The following EXOC6B variants were observed in gnomAD, a reference collection of about 807,000 sequenced individuals.
EXOC6B encodes SEC15 homolog B.
In EXOC6B, 54 loss-of-function variants were observed where a neutral mutation model predicts 113.5. The observed-to-expected ratio is 0.48, with a 90% CI of 0.38 to 0.60. The LOEUF (loss-of-function observed/expected upper bound fraction) is 0.60. Among genes scored for constraint, EXOC6B ranks in the 20% least tolerant of loss-of-function variants. The probability of loss-of-function intolerance (pLI) is 0.00; values close to 1 mark genes in which losing one functional copy is unlikely to be tolerated. For synonymous variants in EXOC6B, 357 were observed against 339.0 expected, an observed-to-expected ratio of 1.05 and a Z score of -0.58; for missense variants, 797 against 977.5, an observed-to-expected ratio of 0.82 and a Z score of 2.46.
chr2:72,241,059 A>G (rs1682281680), intron 20 of EXOC6B, among the ~76,000 whole-genome samples: 1 of 152,234 alleles, frequency 6.6e-6, no homozygotes, highest in South Asian at 2.1e-4. Flanking sequence ...ATTGTGGACA[A>G]GATTGAAAGA....
intron 8 of EXOC6B, among the ~76,000 whole-genome samples, chr2:72,524,962 A>G (rs185260777): frequency 2.0e-3 from 298 of 152,330 alleles, no homozygotes; most frequent in African/African-American, 6.9e-3. Flanking sequence ...TTATTTGAAG[A>G]GAGTAGAGGC....
intron 18 of EXOC6B, chr2:72,461,650 A>ATTTAATTAT (rs1697686339): frequency 6.6e-6 from 1 of 152,054 alleles, no homozygotes; most frequent in African/African-American, 2.4e-5. Flanking sequence ...AAATATAGTT[A>ATTTAATTAT]CATCTGAATA....
At chr2:72,650,250 A>G (rs1674063714) in intron 6 of EXOC6B, among the ~76,000 whole-genome samples, 1 of 152,204 alleles carries the variant, frequency 6.6e-6, no homozygotes, top group Non-Finnish European at 1.5e-5. Flanking sequence ...TTGTGGAAAA[A>G]TTGTCTTCAT....
intron 19 of EXOC6B, among the ~76,000 whole-genome samples, chr2:72,376,193 A>G (rs1204773550): frequency 6.6e-6 from 1 of 152,222 alleles, no homozygotes; most frequent in African/African-American, 2.4e-5. Context: ...GTTGACATAT[A>G]CTATCATTTC....
chr2:72,672,201 CAAAAAAA>C (rs61678584), intron 6 of EXOC6B, among the ~76,000 whole-genome samples: 2 of 105,850 alleles, frequency 1.9e-5, no homozygotes, highest in Admixed American at 9.4e-5. Flanking sequence ...GGTATATATC[CAAAAAAA>C]AAAAAAAAAA....
chr2:72,645,931 T>A (rs978895466), intron 6 of EXOC6B, among the ~76,000 whole-genome samples: 1 of 151,762 alleles, frequency 6.6e-6, no homozygotes, highest in African/African-American at 2.4e-5. Flanking sequence ...AGGCAACAAA[T>A]AACTAAGATC....
At chr2:72,253,766 G>A (rs1459234725) in intron 20 of EXOC6B, among the ~76,000 whole-genome samples, 1 of 152,096 alleles carries the variant, frequency 6.6e-6, no homozygotes, top group African/African-American at 2.4e-5. Flanking sequence ...CTACTTGGGT[G>A]ACAAAATAAT....
chr2:72,761,988 G>A (rs1007051567), intron 1 of EXOC6B, among the ~76,000 whole-genome samples: 1 of 151,980 alleles, frequency 6.6e-6, no homozygotes, highest in African/African-American at 2.4e-5. Flanking sequence ...GCTCATGCCT[G>A]TAATCCCAGC....
chr2:72,621,122 C>T (rs1671718107), intron 6 of EXOC6B, among the ~76,000 whole-genome samples: 1 of 152,102 alleles, frequency 6.6e-6, no homozygotes, highest in Non-Finnish European at 1.5e-5. Flanking sequence ...AGTAGAGTTA[C>T]CACTGGACAC....
At chr2:72,283,423 G>C (rs1028723331) in intron 20 of EXOC6B, among the ~76,000 whole-genome samples, 7 of 152,154 alleles carry the variant, frequency 4.6e-5, no homozygotes, top group Admixed American at 4.6e-4. Context: ...TAGATAAAGA[G>C]AGTCACAACA....
chr2:72,357,743 T>C (rs924638121), intron 19 of EXOC6B, among the ~76,000 whole-genome samples: 5 of 152,022 alleles, frequency 3.3e-5, no homozygotes, highest in Non-Finnish European at 5.9e-5. Flanking sequence ...CTAGTGATGC[T>C]GTAGCCATTG....
At chr2:72,504,738 T>C (rs1464505873) in intron 11 of EXOC6B, among the ~76,000 whole-genome samples, 3 of 152,210 alleles carry the variant, frequency 2.0e-5, no homozygotes, top group Non-Finnish European at 2.9e-5. Flanking sequence ...TTTAAACTTA[T>C]TCCCTTCGTA....
chr2:72,634,571 T>C (rs998085228), intron 6 of EXOC6B, among the ~76,000 whole-genome samples: 6 of 152,142 alleles, frequency 3.9e-5, no homozygotes, highest in Non-Finnish European at 7.3e-5. Flanking sequence ...TGTGATAGAA[T>C]GGTAAGCAGA....
At chr2:72,462,286 T>C (rs1175933247) in intron 18 of EXOC6B, 27 of 152,092 alleles carry the variant, frequency 1.8e-4, no homozygotes, top group Non-Finnish European at 8.8e-5. Context: ...AAGAAAAGTT[T>C]ATTTGTTTTC....
At chr2:72,296,135 G>T (rs1304140529) in intron 20 of EXOC6B, among the ~76,000 whole-genome samples, 1 of 152,012 alleles carries the variant, frequency 6.6e-6, no homozygotes, top group Non-Finnish European at 1.5e-5. Flanking sequence ...AAATAAATTT[G>T]TTCCTGAATA....
rs537705787 is a variant in EXOC6B at position 72,813,649 on chromosome 2, T to C, written c.113+12149A>G. The stretch of plus-strand genomic sequence containing the variant: ...AAAAATGTATTCCATAAATATGACT[T>C]TCCTTAAATCAAACTCCATACCAAA... On this transcript the variant is annotated intron_variant, in intron 1 of 21. Coordinates refer to ENST00000272427, the MANE Select transcript of EXOC6B (RefSeq NM_015189.3). Among the ~76,000 whole-genome samples the C allele has an allele frequency of 6.6e-5, 10 of 152,298 alleles. No individual in the cohort carries two copies. In the East Asian group the frequency reaches 1.9e-3, roughly 29 times the overall value.
At chr2:72,189,394 T>C (rs1019993482) in intron 20 of EXOC6B, among the ~76,000 whole-genome samples, 11 of 152,210 alleles carry the variant, frequency 7.2e-5, no homozygotes, top group Non-Finnish European at 2.9e-5. Flanking sequence ...GGGTATCACC[T>C]CTGGAGGCAT....
intron 21 of EXOC6B, among the ~76,000 whole-genome samples, chr2:72,181,942 C>A (rs1299643292): frequency 2.0e-5 from 3 of 152,198 alleles, no homozygotes; most frequent in African/African-American, 7.2e-5. Flanking sequence ...GATGCAGGGG[C>A]CACTTCTTTT....
chr2:72,631,479 G>T (rs1158047862), intron 6 of EXOC6B, among the ~76,000 whole-genome samples: 108 of 4,868 alleles, frequency 0.022, no homozygotes, highest in African/African-American at 0.044. Context: ...GAGAGAGAGA[G>T]AGAGAGAGAG....
Sources: gnomAD v4.1 joint callset for allele counts (sites outside exome capture counted in the v4.1 genomes callset) on GRCh38, gnomAD v4.1.1 for gene constraint, MANE v1.5 for transcripts, NCBI Gene and HGNC (gene_info 2026-07-23, HGNC 2026-07-21) for gene names.